FAM13B: variants seen among roughly 807,000 people sequenced by gnomAD.
The protein encoded by FAM13B is protein FAM13B.
Under a neutral mutation model 117.3 loss-of-function variants are expected in FAM13B, and 60 were observed. That is an observed-to-expected ratio of 0.51 (90% CI 0.42 to 0.63). The LOEUF is 0.63. FAM13B is among the 30% of genes least tolerant of loss of function. The pLI, the probability that FAM13B is intolerant of heterozygous loss-of-function variation, is 0.00. For missense variants in FAM13B, 972 were observed against 1,091.9 expected, an observed-to-expected ratio of 0.89 and a Z score of 1.55; for synonymous variants, 332 against 356.1, an observed-to-expected ratio of 0.93 and a Z score of 0.76.
At chr5:138,020,248 C>T (rs575596337) in intron 2 of FAM13B, among the ~76,000 whole-genome samples, 51 of 151,734 alleles carry the variant, frequency 3.4e-4, no homozygotes, top group African/African-American at 1.1e-3. Context: ...TTAGTAGAGA[C>T]GGGGTTTCAC....
rs551735737 is a variant in FAM13B at position 137,966,212 on chromosome 5, G to A, written c.1180-3743C>T. Among the ~76,000 whole-genome samples, 8 of 151,578 alleles carry A rather than the reference G, an allele frequency of 5.3e-5. No individual in the cohort carries two copies. The South Asian group carries it at 6.3e-4, about 12-fold the overall frequency. Reference sequence around the variant, plus strand: ...AGCACTTTGGGAGGCTGAGGTGGGCGGATCACCTGAGGTCAGGCGTTCAAG... The same window carrying A: ...AGCACTTTGGGAGGCTGAGGTGGGCAGATCACCTGAGGTCAGGCGTTCAAG... On this transcript the variant is annotated intron_variant, in intron 10 of 23. Transcript: ENST00000689681.
chr5:138,048,555 GGTGGT>G (rs1374403777), intron 1 of FAM13B, among the ~76,000 whole-genome samples: 1 of 152,152 alleles, frequency 6.6e-6, no homozygotes. Context: ...CCTAGCACCA[GGTGGT>G]GTCTTTGTAC....
intron 10 of FAM13B, among the ~76,000 whole-genome samples, chr5:137,964,704 G>C (rs567197637): frequency 6.6e-6 from 1 of 152,178 alleles, no homozygotes; most frequent in East Asian, 1.9e-4. Context: ...CTGGGTGACA[G>C]TACAAGACTC....
intron 4 of FAM13B, among the ~76,000 whole-genome samples, chr5:138,012,216 C>T (rs201190362): frequency 1.4e-4 from 17 of 121,764 alleles, no homozygotes; most frequent in African/African-American, 2.4e-4. Context: ...CCCCAATTCT[C>T]TTTTTTTTTT....
intron 6 of FAM13B, 40 bp downstream of exon 6, chr5:138,010,957 TAAAAAAAAAAA>T: frequency 9.3e-7 from 1 of 1,078,400 alleles, no homozygotes; most frequent in Non-Finnish European, 1.2e-6. Context: ...ATATTATTCT[TAAAAAAAAAAA>T]AAAAAAAAAA....
chr5:137,996,862 G>A (rs1779994007), intron 7 of FAM13B, among the ~76,000 whole-genome samples: 2 of 152,180 alleles, frequency 1.3e-5, no homozygotes. Flanking sequence ...ACAAAGTGCT[G>A]GATTACTGGC....
chr5:138,002,647 A>T (rs1416656588), intron 7 of FAM13B, among the ~76,000 whole-genome samples: 1 of 149,720 alleles, frequency 6.7e-6, no homozygotes, highest in Non-Finnish European at 1.5e-5. Context: ...GGCTGATCAA[A>T]CAAATCTGTT....
intron 7 of FAM13B, among the ~76,000 whole-genome samples, chr5:137,998,844 C>G (rs571423802): frequency 7.2e-5 from 11 of 152,202 alleles, no homozygotes; most frequent in African/African-American, 2.4e-4. Context: ...CCTGGGTCAC[C>G]GGGGCAGCCC....
chr5:137,949,514 T>G (rs1221640106), intron 17 of FAM13B, among the ~76,000 whole-genome samples: 1 of 152,134 alleles, frequency 6.6e-6, no homozygotes, highest in African/African-American at 2.4e-5. Flanking sequence ...GTGTGGTGGC[T>G]CACGCCTATA....
At chr5:137,948,336 C>T (rs1328892686) in intron 18 of FAM13B, among the ~76,000 whole-genome samples, 1 of 152,112 alleles carries the variant, frequency 6.6e-6, no homozygotes, top group Non-Finnish European at 1.5e-5. Flanking sequence ...GCTAGGAGCT[C>T]AATACATACA....
intron 10 of FAM13B, among the ~76,000 whole-genome samples, chr5:137,977,671 GC>G (rs1279662266): frequency 2.0e-5 from 3 of 152,136 alleles, no homozygotes; most frequent in African/African-American, 7.2e-5. Flanking sequence ...GAACCACCAT[GC>G]CTGGCCTTCT....
chr5:138,044,589 C>A (rs1265689716), intron 1 of FAM13B, among the ~76,000 whole-genome samples: 1 of 149,910 alleles, frequency 6.7e-6, no homozygotes, highest in African/African-American at 2.4e-5. Context: ...AAGACAATGT[C>A]TTCGTGATTC....
At chr5:137,972,238 G>A (rs1408357152) in intron 10 of FAM13B, among the ~76,000 whole-genome samples, 2 of 148,298 alleles carry the variant, frequency 1.3e-5, no homozygotes, top group African/African-American at 4.9e-5. Flanking sequence ...ACCGAATCCA[G>A]CAGCACATCA....
intron 4 of FAM13B, among the ~76,000 whole-genome samples, chr5:138,012,357 G>C (rs1258239139): frequency 1.3e-5 from 2 of 151,810 alleles, no homozygotes; most frequent in Non-Finnish European, 2.9e-5. Flanking sequence ...GAGCAAAGCA[G>C]AGATGCAATT....
At chr5:137,963,300 C>T (rs1768704681) in intron 10 of FAM13B, among the ~76,000 whole-genome samples, 1 of 152,170 alleles carries the variant, frequency 6.6e-6, no homozygotes, top group Non-Finnish European at 1.5e-5. Flanking sequence ...ATACAAGAAT[C>T]CAGCTGTCTT....
At chr5:138,038,026 A>T (rs1163686702), upstream of FAM13B, among the ~76,000 whole-genome samples, 1 of 152,162 alleles carries the variant, frequency 6.6e-6, no homozygotes, top group Admixed American at 6.6e-5. Context: ...GCCATATACA[A>T]TTTTTTCAGT....
intron 2 of FAM13B, chr5:138,019,916 G>A (rs1449770256): frequency 2.1e-5 from 8 of 389,916 alleles, no homozygotes; most frequent in Non-Finnish European, 2.4e-5. Context: ...TCCTGACCTC[G>A]TGATCTGCCC....
intron 19 of FAM13B, 111 bp downstream of exon 19, chr5:137,946,117 A>G (rs1160107115): frequency 3.3e-6 from 4 of 1,221,972 alleles, no homozygotes; most frequent in Admixed American, 2.1e-5. Flanking sequence ...CAATCCCCCA[A>G]TTGTAGGAAA....
At chr5:138,043,767 G>A (rs1444578342) in intron 1 of FAM13B, among the ~76,000 whole-genome samples, 1 of 151,928 alleles carries the variant, frequency 6.6e-6, no homozygotes, top group African/African-American at 2.4e-5. Context: ...ACAGAAATGG[G>A]ATCTCTCTCT....
Sources: allele counts gnomAD v4.1 joint callset (sites outside exome capture counted in the v4.1 genomes callset), GRCh38; gene constraint gnomAD v4.1.1; transcripts MANE v1.5; gene names NCBI Gene and HGNC (gene_info 2026-07-23, HGNC 2026-07-21).